The following ERBB4 variants were observed in gnomAD, a reference collection of about 807,000 sequenced individuals.
The protein encoded by ERBB4 is erb-b2 receptor tyrosine kinase 4.
ERBB4 carries 42 observed loss-of-function variants against 158.0 expected under a neutral mutation model. The observed-to-expected ratio is 0.27, with a 90% CI of 0.21 to 0.34. ERBB4 has a LOEUF of 0.34. Among genes scored for constraint, ERBB4 ranks in the 10% least tolerant of loss-of-function variants. The pLI, the probability that ERBB4 is intolerant of heterozygous loss-of-function variation, is 1.00. For missense variants in ERBB4, 1,333 were observed against 1,624.1 expected, an observed-to-expected ratio of 0.82 and a Z score of 3.08; for synonymous variants, 583 against 558.7, an observed-to-expected ratio of 1.04 and a Z score of -0.61.
chr2:212,082,131 C>T (rs539255469), intron 2 of ERBB4, among the ~76,000 whole-genome samples: 1 of 152,198 alleles, frequency 6.6e-6, no homozygotes, highest in Admixed American at 6.6e-5. Context: ...GTCCCACTAT[C>T]TCTTGAAAGA....
chr2:212,188,071 T>C (rs16847859), intron 1 of ERBB4, among the ~76,000 whole-genome samples: 2 of 152,026 alleles, frequency 1.3e-5, no homozygotes, highest in Admixed American at 1.3e-4. Context: ...AGCTCTAGAA[T>C]TCCTTAACTT....
chr2:211,854,300 T>C (rs2077795666), intron 3 of ERBB4, among the ~76,000 whole-genome samples: 1 of 143,432 alleles, frequency 7.0e-6, no homozygotes, highest in African/African-American at 2.5e-5. Context: ...ATATGTGTAG[T>C]TTGGATATTT....
chr2:212,353,799 CCT>C (rs1014796160), intron 1 of ERBB4, among the ~76,000 whole-genome samples: 16 of 59,082 alleles, frequency 2.7e-4, no homozygotes, highest in Non-Finnish European at 4.7e-4. Flanking sequence ...ATAAATGTCC[CCT>C]GTTACACTTG....
intron 3 of ERBB4, among the ~76,000 whole-genome samples, chr2:211,924,539 A>G (rs1159925816): frequency 2.6e-5 from 4 of 152,150 alleles, no homozygotes; most frequent in Non-Finnish European, 5.9e-5. Context: ...TTTTTCATCA[A>G]GAGTGTTAGA....
chr2:212,532,162 G>A (rs1355077251), intron 1 of ERBB4, among the ~76,000 whole-genome samples: 1 of 152,166 alleles, frequency 6.6e-6, no homozygotes, highest in East Asian at 1.9e-4. Flanking sequence ...TGATATTGGT[G>A]TCAGGAGCTG....
chr2:211,552,618 G>A (rs1010592721), intron 20 of ERBB4, among the ~76,000 whole-genome samples: 4 of 151,732 alleles, frequency 2.6e-5, no homozygotes, highest in East Asian at 1.9e-4. Flanking sequence ...TTAGGGCACC[G>A]GAAAAAAAAA....
intron 1 of ERBB4, among the ~76,000 whole-genome samples, chr2:212,179,680 G>A (rs1001601439): frequency 6.6e-6 from 1 of 151,542 alleles, no homozygotes; most frequent in Admixed American, 6.6e-5. Context: ...GTGCTAATAT[G>A]AATGTAACTG....
At chr2:212,057,947 A>T (rs1174203886) in intron 2 of ERBB4, among the ~76,000 whole-genome samples, 1 of 152,206 alleles carries the variant, frequency 6.6e-6, no homozygotes, top group Non-Finnish European at 1.5e-5. Flanking sequence ...GAACTGAAGG[A>T]GATAGAGACA....
intron 3 of ERBB4, among the ~76,000 whole-genome samples, chr2:211,904,861 C>T (rs777590943): frequency 2.6e-5 from 4 of 151,980 alleles, no homozygotes; most frequent in African/African-American, 7.2e-5. Flanking sequence ...ACAGGAATTA[C>T]GTGTGGTAAG....
chr2:211,604,077 C>G lies in ERBB4; in HGVS notation c.2301+15100G>C, dbSNP rs1042993873. On this transcript the variant is annotated intron_variant, in intron 19 of 27. Transcript: ENST00000342788. ...TTTATGTTTTTTCCTTGACACACTGCAGATTGAGTCTTGTAGTCTAACATA... is the reference window on the plus strand; with the variant it reads ...TTTATGTTTTTTCCTTGACACACTGGAGATTGAGTCTTGTAGTCTAACATA... 1.3e-5 allele frequency among the ~76,000 whole-genome samples: 2 copies of G among 152,182 alleles called. 1 individual carries two copies. Among genetic ancestry groups the G allele is most frequent in the South Asian group, 4.1e-4 (2 of 4,830 alleles).
intron 1 of ERBB4, among the ~76,000 whole-genome samples, chr2:212,293,282 A>G (rs1267894284): frequency 6.6e-6 from 1 of 152,046 alleles, no homozygotes; most frequent in African/African-American, 2.4e-5. Flanking sequence ...TTAAAAAATC[A>G]TAAATATTAA....
At chr2:211,489,157 TG>T (rs1324564297) in intron 20 of ERBB4, among the ~76,000 whole-genome samples, 1 of 152,080 alleles carries the variant, frequency 6.6e-6, no homozygotes, top group East Asian at 1.9e-4. Flanking sequence ...AAAACAGAAT[TG>T]AAAATGATTT....
At chr2:211,702,450 C>T (rs2073288382) in intron 11 of ERBB4, among the ~76,000 whole-genome samples, 1 of 152,026 alleles carries the variant, frequency 6.6e-6, no homozygotes, top group East Asian at 1.9e-4. Context: ...ATCTTCCCAC[C>T]CCAAGACTTA....
intron 2 of ERBB4, among the ~76,000 whole-genome samples, chr2:212,115,061 G>A (rs1446141622): frequency 6.6e-6 from 1 of 151,916 alleles, no homozygotes; most frequent in Non-Finnish European, 1.5e-5. Flanking sequence ...TTATTTTCAG[G>A]TAGAAATTTA....
Position 212,012,341 on chromosome 2 carries a change from C to T in ERBB4, c.235-64725G>A, listed in dbSNP as rs148521670. Among the ~76,000 whole-genome samples, 391 of 151,996 alleles carry T rather than the reference C, an allele frequency of 2.6e-3. 2 individuals are homozygous for T. The highest frequency in any genetic ancestry group is 5.5e-3 in the Admixed American group (84 of 15,278). On this transcript the variant is annotated intron_variant, in intron 2 of 27. Transcript: ENST00000342788. ...TTATATTTAGGTAGTATGGTCTGGG[C>T]CCTAAGGGGTGCCAAATGGTACTGG...
intron 1 of ERBB4, among the ~76,000 whole-genome samples, chr2:212,241,812 T>A (rs779835813): frequency 6.6e-6 from 1 of 152,148 alleles, no homozygotes; most frequent in Non-Finnish European, 1.5e-5. Flanking sequence ...TTAATCTTAT[T>A]TTCATCATGT....
chr2:212,223,427 ATTT>A (rs61444594), intron 1 of ERBB4, among the ~76,000 whole-genome samples: 7,420 of 130,880 alleles, frequency 0.057, 498 homozygotes, highest in African/African-American at 0.16. Flanking sequence ...ATATATATAT[ATTT>A]TTTTTATTTA....
At chr2:211,510,645 G>T (rs1490410345) in intron 20 of ERBB4, among the ~76,000 whole-genome samples, 1 of 151,874 alleles carries the variant, frequency 6.6e-6, no homozygotes, top group Non-Finnish European at 1.5e-5. Flanking sequence ...ATTAGAAAAT[G>T]TTTTCAATTA....
intron 1 of ERBB4, among the ~76,000 whole-genome samples, chr2:212,191,733 A>G (rs867040479): frequency 6.8e-6 from 1 of 146,472 alleles, no homozygotes; most frequent in South Asian, 2.1e-4. Flanking sequence ...AACACGTGTT[A>G]TACATGTTAC....
Sources: allele counts gnomAD v4.1 joint callset (sites outside exome capture counted in the v4.1 genomes callset), GRCh38; gene constraint gnomAD v4.1.1; transcripts MANE v1.5; gene names NCBI Gene and HGNC (gene_info 2026-07-23, HGNC 2026-07-21).